TRIM2: variants seen among roughly 807,000 people sequenced by gnomAD.
The protein encoded by TRIM2 is tripartite motif containing 2, also known as tripartite motif-containing protein 2.
TRIM2 carries 20 observed loss-of-function variants against 75.2 expected under a neutral mutation model. That is an observed-to-expected ratio of 0.27 (90% CI 0.19 to 0.39). The LOEUF (loss-of-function observed/expected upper bound fraction) is 0.39, where lower values mean the gene tolerates loss of function less well. Among genes scored for constraint, TRIM2 ranks in the 10% least tolerant of loss-of-function variants. The probability of loss-of-function intolerance (pLI) is 1.00; values close to 1 mark genes in which losing one functional copy is unlikely to be tolerated. For missense variants in TRIM2, 660 were observed against 990.8 expected, an observed-to-expected ratio of 0.67 and a Z score of 4.48; for synonymous variants, 373 against 388.3, an observed-to-expected ratio of 0.96 and a Z score of 0.46.
chr4:153,294,794 G>A (rs1762454638), intron 5 of TRIM2, among the ~76,000 whole-genome samples: 1 of 152,084 alleles, frequency 6.6e-6, no homozygotes, highest in Non-Finnish European at 1.5e-5. Context: ...TTTCTTAATT[G>A]CTCTCTCACC....
At chr4:153,244,444 A>C (rs1336894267) in intron 1 of TRIM2, among the ~76,000 whole-genome samples, 3 of 108,522 alleles carry the variant, frequency 2.8e-5, no homozygotes, top group African/African-American at 9.4e-5. Context: ...TCTTTTAATT[A>C]GAGAGGAGGC....
Position 153,338,010 on chromosome 4 carries a change from G to A in TRIM2, c.*3044G>A. 1 of 985,704 alleles carries A rather than the reference G, an allele frequency of 1.0e-6. No homozygotes were observed. Among genetic ancestry groups the A allele is most frequent in the Non-Finnish European group, 1.2e-6 (1 of 829,912 alleles). The allele number at this position is 985,704 out of a possible 1,614,324, so 61.1% of individuals were successfully genotyped here. A position where few individuals can be genotyped will look rare whatever the true frequency, so the allele number is the denominator to read the frequency against. ...TTGCCATTTTTTTTAATGGTACTTA[G>A]TATTTTGATCAAACTTTAGTCTCCA... is the stretch of plus-strand genomic sequence containing the variant. On this transcript the variant is annotated 3_prime_UTR_variant, in exon 12 of 12. Transcript: ENST00000338700.
chr4:153,270,612 T>C (rs1756444107), intron 2 of TRIM2, 93 bp downstream of exon 2: 1 of 1,165,728 alleles, frequency 8.6e-7, no homozygotes, highest in African/African-American at 1.6e-5. Flanking sequence ...ACAGTTACCT[T>C]TGAGAGAAAA....
intron 1 of TRIM2, among the ~76,000 whole-genome samples, chr4:153,186,383 C>T (rs781479307): frequency 1.3e-5 from 2 of 152,058 alleles, no homozygotes; most frequent in African/African-American, 2.4e-5. Flanking sequence ...TTTAGAATAT[C>T]GTGCTTTAAA....
At chr4:153,334,665 C>A in intron 11 of TRIM2, 149 bp from the exon 12 acceptor site, 3 of 705,424 alleles carry the variant, frequency 4.3e-6, no homozygotes, top group Non-Finnish European at 4.5e-6. Flanking sequence ...GTCTTCACAC[C>A]ACGGCACACC....
chr4:153,267,776 A>C (rs192250762), intron 1 of TRIM2, among the ~76,000 whole-genome samples: 3 of 149,582 alleles, frequency 2.0e-5, no homozygotes, highest in African/African-American at 4.9e-5. Context: ...TTCCTTCTTT[A>C]TTTCTTTCTT....
chr4:153,286,691 AT>A (rs1760693056), intron 3 of TRIM2, among the ~76,000 whole-genome samples: 1 of 151,388 alleles, frequency 6.6e-6, no homozygotes, highest in Non-Finnish European at 1.5e-5. Context: ...TTCCTTCCTG[AT>A]TTTTGTAATT....
chr4:153,335,658 T>C lies in TRIM2; in HGVS notation c.*692T>C. 1 of 985,422 alleles carries C rather than the reference T, an allele frequency of 1.0e-6. No individual in the cohort carries two copies. Among genetic ancestry groups the C allele is most frequent in the Non-Finnish European group, 1.2e-6 (1 of 829,932 alleles). The allele number at this position is 985,422 out of a possible 1,614,324, so 61.0% of individuals were successfully genotyped here. On this transcript the variant is annotated 3_prime_UTR_variant, in exon 12 of 12. Transcript: ENST00000338700. ...GCTCACCTTGTATCAGCAAACAAAGTACTTCTTCAGGGAAACCTGAAATTT... is the reference window on the plus strand; with the variant it reads ...GCTCACCTTGTATCAGCAAACAAAGCACTTCTTCAGGGAAACCTGAAATTT...
Position 153,244,355 on chromosome 4 carries a change from C to CTTCTTCTTCTTCT in TRIM2, c.31-25979_31-25978insTCTTCTTCTTCTT, listed in dbSNP as rs1748079616. Among the ~76,000 whole-genome samples the CTTCTTCTTCTTCT allele has an allele frequency of 1.2e-3, 15 of 12,708 alleles. 4 individuals are homozygous for CTTCTTCTTCTTCT. The highest frequency in any genetic ancestry group is 1.7e-3 in the Non-Finnish European group (13 of 7,630). 8.3% of individuals were successfully genotyped at this position (12,708 alleles called of 152,430 possible). ...CTTCTTCTTCTTCTTCTTCTTCTTCCTCTTCTTCTTCTTCTTCTTCTTCTT... is the reference window on the plus strand; with the variant it reads ...CTTCTTCTTCTTCTTCTTCTTCTTCCTTCTTCTTCTTCTTCTTCTTCTTCTTCTTCTTCTTCTT... On this transcript the variant is annotated intron_variant, in intron 1 of 11. Transcript: ENST00000338700.
intron 1 of TRIM2, among the ~76,000 whole-genome samples, chr4:153,256,953 T>A (rs908578490): frequency 6.6e-6 from 1 of 152,040 alleles, no homozygotes; most frequent in Admixed American, 6.6e-5. Flanking sequence ...AATTATGATA[T>A]GTGTTTAAAG....
At chr4:153,244,274 C>T (rs1156819690) in intron 1 of TRIM2, among the ~76,000 whole-genome samples, 251 of 10,362 alleles carry the variant, frequency 0.024, 49 homozygotes, top group Middle Eastern at 0.056. Flanking sequence ...CCTCCTCCTC[C>T]TCCTCCTCCT....
intron 6 of TRIM2, among the ~76,000 whole-genome samples, chr4:153,311,825 G>A (rs1766382986): frequency 6.6e-6 from 1 of 150,854 alleles, no homozygotes; most frequent in Non-Finnish European, 1.5e-5. Context: ...CTCCCAAAGT[G>A]CTGTGATTAC....
intron 1 of TRIM2, among the ~76,000 whole-genome samples, chr4:153,245,918 A>T (rs376943494): frequency 6.6e-6 from 1 of 152,214 alleles, no homozygotes; most frequent in Non-Finnish European, 1.5e-5. Flanking sequence ...AGCTCAAGCA[A>T]TCTGCCTGCC....
At chr4:153,307,613 C>A (rs2150201015) in intron 6 of TRIM2, among the ~76,000 whole-genome samples, 1 of 152,248 alleles carries the variant, frequency 6.6e-6, no homozygotes, top group Non-Finnish European at 1.5e-5. Flanking sequence ...CCAGGCAATG[C>A]TTAGGCAACT....
At chr4:153,184,218 T>C (rs993640368) in intron 1 of TRIM2, among the ~76,000 whole-genome samples, 1 of 152,034 alleles carries the variant, frequency 6.6e-6, no homozygotes, top group Non-Finnish European at 1.5e-5. Flanking sequence ...TTTCTCACAG[T>C]TTTGGAGGCT....
chr4:153,271,168 T>A (rs1756583512), intron 2 of TRIM2, among the ~76,000 whole-genome samples: 1 of 152,220 alleles, frequency 6.6e-6, no homozygotes, highest in African/African-American at 2.4e-5. Context: ...ACTTACCATG[T>A]AAGCAATTAA....
intron 6 of TRIM2, among the ~76,000 whole-genome samples, chr4:153,298,596 CATG>C (rs895830126): frequency 6.6e-6 from 1 of 152,198 alleles, no homozygotes; most frequent in African/African-American, 2.4e-5. Flanking sequence ...TGGTGTACAA[CATG>C]ATGTTTTGAT....
At position 153,295,425 on chromosome 4, in the gene TRIM2, T is replaced by C; in HGVS notation, c.899T>C (p.Val300Ala). The C allele has an allele frequency of 2.5e-6, 4 of 1,613,940 alleles. No individual in the cohort carries two copies. The highest frequency in any genetic ancestry group is 3.4e-6 in the Non-Finnish European group (4 of 1,179,960). The change falls in exon 6 of 12, where the codon GTG (valine) becomes GCG (alanine). Residue 300 changes from valine (V) to alanine (A), a missense_variant. Coordinates refer to ENST00000338700, the MANE Select transcript of TRIM2 (RefSeq NM_015271.5). This position sits in a 1 kb window ranked among gnomAD's most constrained non-coding sequence, Gnocchi z 7.2. ...GGCACGGAGACCGAGGTCCTACTGGTGAAGAAGCAGATGAGCGAGAAGCTG... is the reference window on the plus strand; with the variant it reads ...GGCACGGAGACCGAGGTCCTACTGGCGAAGAAGCAGATGAGCGAGAAGCTG... ...NHGTETEVLL[V>A]KKQMSEKLNE...
chr4:153,251,809 T>C (rs1750932954), intron 1 of TRIM2, among the ~76,000 whole-genome samples: 1 of 151,886 alleles, frequency 6.6e-6, no homozygotes, highest in Admixed American at 6.6e-5. Flanking sequence ...CAAAACCCTG[T>C]CTCCATAAAA....
Sources: allele counts gnomAD v4.1 joint callset (sites outside exome capture counted in the v4.1 genomes callset), GRCh38; gene constraint gnomAD v4.1.1; non-coding constraint Gnocchi (gnomAD v3.1); transcripts MANE v1.5; gene names NCBI Gene and HGNC (gene_info 2026-07-23, HGNC 2026-07-21).